The following GRK1 variants were observed in gnomAD, a reference collection of about 807,000 sequenced individuals.
The protein encoded by GRK1 is G protein-coupled receptor kinase 1.
In GRK1, 28 loss-of-function variants were observed where a neutral mutation model predicts 41.7. That is an observed-to-expected ratio of 0.67 (90% CI 0.50 to 0.92). GRK1 has a LOEUF of 0.92. Ranked by LOEUF, GRK1 falls within the 40% of genes least tolerant of loss-of-function variation. The pLI, the probability that GRK1 is intolerant of heterozygous loss-of-function variation, is 0.00. For missense variants in GRK1, 703 were observed against 671.2 expected, an observed-to-expected ratio of 1.05 and a Z score of -0.52; for synonymous variants, 327 against 286.7, an observed-to-expected ratio of 1.14 and a Z score of -1.42.
chr13:113,651,374 G>A, the GRK1 span, among the ~76,000 whole-genome samples: 2 of 152,244 alleles, frequency 1.3e-5, no homozygotes, highest in Non-Finnish European at 1.5e-5. Flanking sequence ...AGAACTGGTG[G>A]AAGGTGCACT....
the GRK1 span, chr13:113,649,198 C>T: frequency 1.0e-5 from 6 of 594,810 alleles, no homozygotes; most frequent in South Asian, 2.5e-5. The surrounding 1 kb of genome is among the most constrained non-coding windows in gnomAD (Gnocchi z 4.7). Flanking sequence ...AACTGATACT[C>T]GCGAGCAGGT....
intron 4 of GRK1, among the ~76,000 whole-genome samples, chr13:113,723,850 G>A (rs1372108047): frequency 8.3e-6 from 1 of 120,796 alleles, no homozygotes; most frequent in African/African-American, 4.3e-5. Flanking sequence ...ACGTGTCTGT[G>A]TGCCTGTGTG....
upstream of GRK1, among the ~76,000 whole-genome samples, chr13:113,662,359 G>T (rs1328527165): frequency 6.6e-6 from 1 of 152,322 alleles, no homozygotes; most frequent in African/African-American, 2.4e-5. Flanking sequence ...CTAACAGTAT[G>T]CCCAATGGTG....
chr13:113,655,658 C>T, the GRK1 span, among the ~76,000 whole-genome samples: 7 of 152,144 alleles, frequency 4.6e-5, no homozygotes, highest in South Asian at 2.1e-4. Flanking sequence ...TTGTGTGGAT[C>T]GCAGGAGGCA....
At position 113,735,162 on chromosome 13, in the gene GRK1, C is replaced by T; in HGVS notation, c.1491C>T (p.Ala497=). 2 of 1,537,214 alleles carry T rather than the reference C, an allele frequency of 1.3e-6. No individual in the cohort carries two copies. Among genetic ancestry groups the T allele is most frequent in the Non-Finnish European group, 1.7e-6 (2 of 1,146,890 alleles). Residue 497 remains alanine (A), a synonymous_variant, in exon 7 of 7, where the codon GCC becomes GCT. Coordinates refer to ENST00000335678, the MANE Select transcript of GRK1 (RefSeq NM_002929.3). ...CCTTTTCCACCGTCAAAGGTGTGGC[C>T]TTTGACAAAACAGACACAGAATTCT... ...VGAFSTVKGV[A]FDKTDTEFFQ...
chr13:113,652,576 G>A, the GRK1 span: 3 of 468,058 alleles, frequency 6.4e-6, no homozygotes, highest in African/African-American at 5.9e-5. Flanking sequence ...ACCTGGCCCT[G>A]GCATCTCTGG....
chr13:113,724,954 C>A (rs1465815535), intron 4 of GRK1, among the ~76,000 whole-genome samples: 1 of 152,240 alleles, frequency 6.6e-6, no homozygotes, highest in Non-Finnish European at 1.5e-5. Context: ...AAGGGCCCAG[C>A]TTCCAGGCCG....
chr13:113,735,469 T>C lies in GRK1; in HGVS notation c.*106T>C. The C allele has an allele frequency of 7.9e-7, 1 of 1,261,318 alleles. No individual in the cohort carries two copies. Among genetic ancestry groups the C allele is most frequent in the Non-Finnish European group, 1.1e-6 (1 of 948,718 alleles). 78.1% of individuals were successfully genotyped at this position (1,261,318 alleles called of 1,614,324 possible). A position where few individuals can be genotyped will look rare whatever the true frequency, so the allele number is the denominator to read the frequency against. On this transcript the variant is annotated 3_prime_UTR_variant, in exon 7 of 7. Coordinates refer to ENST00000335678, the MANE Select transcript of GRK1 (RefSeq NM_002929.3). ...GGTCTGCTAGCAAGGGGACACGTGG[T>C]TCCCTCCACCCAGGTCCCCATCACG...
At chr13:113,658,143 AT>A in the GRK1 span, 1 of 1,611,446 alleles carries the variant, frequency 6.2e-7, no homozygotes. Context: ...CAGAGCCGCC[AT>A]CGTCCCTGGC....
chr13:113,658,223 T>C, the GRK1 span: 2 of 1,361,306 alleles, frequency 1.5e-6, no homozygotes, highest in East Asian at 2.5e-5. Context: ...ACCTCTGGGC[T>C]TTATAGTTTC....
the GRK1 span, chr13:113,650,640 C>T: frequency 3.2e-6 from 2 of 619,962 alleles, no homozygotes; most frequent in Non-Finnish European, 5.6e-6. This position sits in a 1 kb window ranked among gnomAD's most constrained non-coding sequence, Gnocchi z 5.0. Context: ...GCATACTTAG[C>T]ATAAATCAGA....
chr13:113,735,124 C>G lies in GRK1; in HGVS notation c.1453C>G (p.Gln485Glu), dbSNP rs903057160. The change falls in exon 7 of 7, where the codon CAG becomes GAG. Residue 485 changes from glutamine (Q) to glutamate (E), a missense_variant. Gln to Glu is a conservative substitution (Grantham distance 29). Transcript: ENST00000335678. ...CAAAACTGTCTACGCAAAGGATATT[C>G]AGGACGTGGGTGCCTTTTCCACCGT... The part of the protein sequence containing the change: ...DSKTVYAKDI[Q>E]DVGAFSTVKG... The G allele has an allele frequency of 5.9e-6, 9 of 1,536,922 alleles. No homozygotes were observed. The Admixed American group carries it at 1.4e-4, about 23-fold the overall frequency.
At position 113,671,637 on chromosome 13, in the gene GRK1, CG is replaced by C; in HGVS notation, c.967del (p.Val323CysfsTer63). The C allele has an allele frequency of 1.3e-6, 1 of 766,608 alleles. No homozygotes were observed. The highest frequency in any genetic ancestry group is 1.3e-5 in the South Asian group (1 of 74,238). 47.5% of individuals were successfully genotyped at this position (766,608 alleles called of 1,614,324 possible). Reference protein sequence around the residue: ...IVYRDLKPENVLLDNDGNVRI... With the variant: ...IVYRDLKPENXLLDNDGNVRI... ...TCTACCGCGACCTCAAGCCCGAGAA[CG>C]TGCTGCTGGACAATGACGGTAGGAG... On this transcript the variant is annotated frameshift_variant, in exon 3 of 7. Coordinates refer to ENST00000335678, the MANE Select transcript of GRK1 (RefSeq NM_002929.3). LOFTEE classifies it high-confidence loss of function. This position sits in a 1 kb window ranked among gnomAD's most constrained non-coding sequence, Gnocchi z 4.1.
chr13:113,671,752 G>A lies in GRK1; in HGVS notation c.985+96G>A. On this transcript the variant is annotated intron_variant, in intron 3 of 6. Transcript: ENST00000335678. The surrounding 1 kb of genome is among the most constrained non-coding windows in gnomAD (Gnocchi z 4.1). ...CTGCACAACCTCACGAGGGCTGACGGCTGTGTGGACGGTGGGGGTTCATGA... is the reference window on the plus strand; with the variant it reads ...CTGCACAACCTCACGAGGGCTGACGACTGTGTGGACGGTGGGGGTTCATGA... 1 of 690,124 alleles carries A rather than the reference G, an allele frequency of 1.4e-6. No individual in the cohort carries two copies. The highest frequency in any genetic ancestry group is 2.6e-6 in the Non-Finnish European group (1 of 377,576). 42.8% of individuals were successfully genotyped at this position (690,124 alleles called of 1,614,324 possible).
chr13:113,732,366 C>T (rs376754949), intron 5 of GRK1, among the ~76,000 whole-genome samples: 41 of 152,200 alleles, frequency 2.7e-4, no homozygotes, highest in African/African-American at 8.4e-4. Context: ...GTCTGTGGGA[C>T]GTGGCACAGG....
chr13:113,724,207 C>A (rs2049875769), intron 4 of GRK1, among the ~76,000 whole-genome samples: 1 of 152,202 alleles, frequency 6.6e-6, no homozygotes, highest in Admixed American at 6.5e-5. Flanking sequence ...CTTTACTTAA[C>A]CTCCGAGCCT....
At chr13:113,733,663 GTGTGTGCA>G (rs1425776237) in intron 6 of GRK1, among the ~76,000 whole-genome samples, 2 of 57,346 alleles carry the variant, frequency 3.5e-5, no homozygotes, top group East Asian at 7.9e-4. Context: ...GTGTGTGTGC[GTGTGTGCA>G]CGTGTGTGCA....
At chr13:113,734,809 C>CA in intron 6 of GRK1, 1 of 380,580 alleles carries the variant, frequency 2.6e-6, no homozygotes, top group Non-Finnish European at 4.7e-6. Flanking sequence ...GGTCCTTTCA[C>CA]AAGAAGGCTC....
At chr13:113,655,471 G>A in the GRK1 span, among the ~76,000 whole-genome samples, 2 of 152,172 alleles carry the variant, frequency 1.3e-5, no homozygotes, top group Non-Finnish European at 2.9e-5. Flanking sequence ...TCAGAAGCAA[G>A]GGTGTCCATA....
Sources: allele counts gnomAD v4.1 joint callset (sites outside exome capture counted in the v4.1 genomes callset), GRCh38; gene constraint gnomAD v4.1.1; non-coding constraint Gnocchi (gnomAD v3.1); transcripts MANE v1.5; gene names NCBI Gene and HGNC (gene_info 2026-07-23, HGNC 2026-07-21).